The following ASAP1 variants were observed in gnomAD, a reference collection of about 807,000 sequenced individuals.
ASAP1 encodes the protein ArfGAP with SH3 domain, ankyrin repeat and PH domain 1.
Under a neutral mutation model 145.2 loss-of-function variants are expected in ASAP1, and 43 were observed. The observed-to-expected ratio is 0.30, with a 90% CI of 0.23 to 0.38. ASAP1 has a LOEUF of 0.38. Among genes scored for constraint, ASAP1 ranks in the 10% least tolerant of loss-of-function variants. ASAP1 has a pLI of 1.00. For missense variants in ASAP1, 1,018 were observed against 1,355.3 expected (o/e 0.75, Z 3.91); for synonymous variants, 546 against 515.5 (o/e 1.06, Z -0.80).
chr8:130,108,878 C>T (rs985668220), intron 24 of ASAP1, among the ~76,000 whole-genome samples: 33 of 143,372 alleles, frequency 2.3e-4, no homozygotes, highest in Non-Finnish European at 4.2e-4. Context: ...CAGGTTCAAG[C>T]GATTCTCCTG....
intron 13 of ASAP1, among the ~76,000 whole-genome samples, chr8:130,151,418 T>A (rs1338485432): frequency 9.7e-6 from 1 of 103,240 alleles, no homozygotes; most frequent in African/African-American, 3.6e-5. Context: ...AAAAGATTGC[T>A]GAAGAAATGA....
rs2097399489 is a variant in ASAP1 at position 130,054,563 on chromosome 8, C to T, written c.*168G>A. Reference sequence around the variant, plus strand: ...GAGGCTACCCTCATACTGGTGAAGGCAGAAAACCACAGGATATTTACAACA... The same window carrying T: ...GAGGCTACCCTCATACTGGTGAAGGTAGAAAACCACAGGATATTTACAACA... On this transcript the variant is annotated 3_prime_UTR_variant, in exon 30 of 30. Coordinates refer to ENST00000518721, the MANE Select transcript of ASAP1 (RefSeq NM_018482.4). 1.7e-6 allele frequency: 1 copy of T among 594,116 alleles called. No individual in the cohort carries two copies. Among genetic ancestry groups the T allele is most frequent in the Non-Finnish European group, 3.0e-6 (1 of 330,422 alleles). 36.8% of individuals were successfully genotyped at this position (594,116 alleles called of 1,614,324 possible).
intron 11 of ASAP1, among the ~76,000 whole-genome samples, chr8:130,162,775 G>A (rs369953908): frequency 6.8e-6 from 1 of 147,830 alleles, no homozygotes; most frequent in Non-Finnish European, 1.5e-5. Flanking sequence ...CCGAGATTGC[G>A]CCACTGCACT....
rs796609638 is a variant in ASAP1 at position 130,107,172 on chromosome 8, CTCT to C, written c.2401+4919_2401+4921del. On this transcript the variant is annotated intron_variant, in intron 24 of 29. Coordinates refer to ENST00000518721, the MANE Select transcript of ASAP1 (RefSeq NM_018482.4). The stretch of plus-strand genomic sequence containing the variant: ...CTTATGAGGAAGAACTATAGTCTCT[CTCT>C]TCTTCTTCTTTTTTTTTTTTTTTTT... 7.2e-3 allele frequency among the ~76,000 whole-genome samples: 994 copies of C among 137,676 alleles called. 94 individuals are homozygous for C. The highest frequency in any genetic ancestry group is 0.027 in the Middle Eastern group (7 of 256). 90.3% of individuals were successfully genotyped at this position (137,676 alleles called of 152,430 possible).
Position 130,358,627 on chromosome 8 carries a change from G to A in ASAP1, c.60-484C>T, listed in dbSNP as rs1004812261. Among the ~76,000 whole-genome samples the A allele has an allele frequency of 2.0e-5, 3 of 147,024 alleles. No homozygotes were observed. The highest frequency in any genetic ancestry group is 3.0e-5 in the Non-Finnish European group (2 of 66,020). On this transcript the variant is annotated intron_variant, in intron 2 of 29. Coordinates refer to ENST00000518721, the MANE Select transcript of ASAP1 (RefSeq NM_018482.4). This position sits in a 1 kb window ranked among gnomAD's most constrained non-coding sequence, Gnocchi z 4.1. The stretch of plus-strand genomic sequence containing the variant: ...ACACTCCCGCGGCGGGCGGGCGGGC[G>A]GGCGGCGCTCGCGCTGCAGTCACGG...
intron 29 of ASAP1, among the ~76,000 whole-genome samples, chr8:130,057,479 C>T (rs892115726): frequency 5.3e-5 from 8 of 152,094 alleles, no homozygotes; most frequent in African/African-American, 1.4e-4. Flanking sequence ...GATGGAGTCT[C>T]GCTCTGTTGC....
At chr8:130,167,510 C>G (rs778578174) in intron 11 of ASAP1, 26 bp downstream of exon 11, 1 of 1,582,994 alleles carries the variant, frequency 6.3e-7, no homozygotes, top group East Asian at 2.2e-5. Context: ...ACTGTTAGCC[C>G]TGTTGTAAAC....
chr8:130,369,604 T>G (rs886766697), intron 2 of ASAP1, among the ~76,000 whole-genome samples: 3 of 152,124 alleles, frequency 2.0e-5, no homozygotes, highest in Non-Finnish European at 2.9e-5. Context: ...AAGTGGATAA[T>G]AAGCACATGA....
chr8:130,229,634 AC>A (rs1392139706), intron 4 of ASAP1, among the ~76,000 whole-genome samples: 2 of 152,238 alleles, frequency 1.3e-5, no homozygotes, highest in African/African-American at 2.4e-5. Flanking sequence ...TAGGTATTCA[AC>A]AAATGGCAGC....
At position 130,416,008 on chromosome 8, in the gene ASAP1, T is replaced by C. The variant is rs1362527867; in HGVS notation, c.-27-14038A>G. Among the ~76,000 whole-genome samples, 3 of 152,300 alleles carry C rather than the reference T, an allele frequency of 2.0e-5. No homozygotes were observed. In the East Asian group the frequency reaches 5.8e-4, roughly 29 times the overall value. On this transcript the variant is annotated intron_variant, in intron 1 of 29. Coordinates refer to ENST00000518721, the MANE Select transcript of ASAP1 (RefSeq NM_018482.4). ...TCAACCAATTTCCACAAGACTCCTT[T>C]TCAAAATGAAGTTTCCCCAGAGTCT...
At chr8:130,278,480 C>G (rs1315398474) in intron 3 of ASAP1, among the ~76,000 whole-genome samples, 1 of 152,182 alleles carries the variant, frequency 6.6e-6, no homozygotes, top group East Asian at 1.9e-4. Context: ...TACCCAGAGA[C>G]TCACTGGCTT....
At chr8:130,279,696 T>A (rs1233978659) in intron 3 of ASAP1, among the ~76,000 whole-genome samples, 1 of 152,184 alleles carries the variant, frequency 6.6e-6, no homozygotes. Context: ...AAATATTGTA[T>A]AATTTCTATA....
chr8:130,411,512 T>C (rs80032286), intron 1 of ASAP1, among the ~76,000 whole-genome samples: 15,120 of 152,220 alleles, frequency 0.099, 1,012 homozygotes, highest in South Asian at 0.29. Flanking sequence ...TCTCCCTTCC[T>C]CATTCCTCCA....
intron 3 of ASAP1, among the ~76,000 whole-genome samples, chr8:130,316,061 T>C (rs1823646155): frequency 1.3e-5 from 2 of 152,194 alleles, no homozygotes; most frequent in African/African-American, 4.8e-5. Flanking sequence ...ACTTCCGTCT[T>C]TTCAGCTTAA....
At chr8:130,389,780 G>A (rs909523245) in intron 2 of ASAP1, among the ~76,000 whole-genome samples, 10 of 151,986 alleles carry the variant, frequency 6.6e-5, no homozygotes, top group African/African-American at 1.9e-4. Flanking sequence ...GGCTCACTGC[G>A]GCCTCAACTT....
At chr8:130,173,773 GA>G (rs201052362) in intron 9 of ASAP1, among the ~76,000 whole-genome samples, 65 of 138,020 alleles carry the variant, frequency 4.7e-4, no homozygotes, top group Non-Finnish European at 7.9e-4. Context: ...GACTCAAAAA[GA>G]AAAAAAAAAA....
At chr8:130,244,982 G>A (rs1052867578) in intron 3 of ASAP1, among the ~76,000 whole-genome samples, 2 of 152,114 alleles carry the variant, frequency 1.3e-5, no homozygotes, top group Non-Finnish European at 2.9e-5. Flanking sequence ...GTTGAGGTGT[G>A]GAGTGCTAAG....
Position 130,127,905 on chromosome 8 carries a change from G to A in ASAP1, c.1381+22C>T, listed in dbSNP as rs374853248. 2.8e-5 allele frequency: 45 copies of A among 1,608,764 alleles called. No individual in the cohort carries two copies. The African/African-American group carries it at 4.6e-4, about 16-fold the overall frequency. On this transcript the variant is annotated intron_variant, in intron 16 of 29. Transcript: ENST00000518721. ...AAGAGAAAGGATGTTGTAAAAGCTCGTTCAAATATGGGGACAAAAACCTGA... is the reference window on the plus strand; with the variant it reads ...AAGAGAAAGGATGTTGTAAAAGCTCATTCAAATATGGGGACAAAAACCTGA...
intron 3 of ASAP1, among the ~76,000 whole-genome samples, chr8:130,285,733 T>C (rs1463539874): frequency 6.6e-6 from 1 of 152,234 alleles, no homozygotes; most frequent in African/African-American, 2.4e-5. Flanking sequence ...TTGTCTTCTA[T>C]AGGCAATAGC....
Sources: allele counts gnomAD v4.1 joint callset (sites outside exome capture counted in the v4.1 genomes callset), GRCh38; gene constraint gnomAD v4.1.1; non-coding constraint Gnocchi (gnomAD v3.1); transcripts MANE v1.5; gene names NCBI Gene and HGNC (gene_info 2026-07-23, HGNC 2026-07-21).